RUBCN: variants seen among roughly 807,000 people sequenced by gnomAD.
The protein encoded by RUBCN is run domain Beclin-1-interacting and cysteine-rich domain-containing protein.
A neutral mutation model predicts 113.2 loss-of-function variants in RUBCN; 74 were observed. The observed-to-expected ratio is 0.65, with a 90% CI of 0.54 to 0.79. The LOEUF is 0.79. RUBCN is among the 30% of genes least tolerant of loss of function. RUBCN has a pLI of 0.00. For missense variants in RUBCN, 1,109 were observed against 1,251.7 expected (o/e 0.89, Z 1.72); for synonymous variants, 480 against 490.0 (o/e 0.98, Z 0.27).
chr3:197,677,673 C>T (rs1393503053), intron 16 of RUBCN, 132 bp from the exon 17 acceptor site: 8 of 755,490 alleles, frequency 1.1e-5, no homozygotes, highest in East Asian at 2.6e-5. Context: ...GACTGTCCTA[C>T]GCTCTGACAA....
At chr3:197,695,818 C>T in intron 9 of RUBCN, 48 bp downstream of exon 9, 1 of 1,539,932 alleles carries the variant, frequency 6.5e-7, no homozygotes, top group Non-Finnish European at 9.0e-7. Flanking sequence ...GACCTTCAGA[C>T]CCAATCTCCC....
intron 2 of RUBCN, among the ~76,000 whole-genome samples, chr3:197,716,629 C>T (rs939840525): frequency 2.6e-5 from 4 of 152,148 alleles, no homozygotes; most frequent in African/African-American, 4.8e-5. Context: ...CATTCTAATT[C>T]CTAGAACCTG....
chr3:197,701,821 T>C lies in RUBCN; in HGVS notation c.614A>G (p.Gln205Arg), dbSNP rs1169835652. 11 of 1,614,236 alleles carry C rather than the reference T, an allele frequency of 6.8e-6. No individual in the cohort carries two copies. The highest frequency in any genetic ancestry group is 9.3e-6 in the Non-Finnish European group (11 of 1,180,040). The change falls in exon 6 of 20, where the codon CAG becomes CGG. Residue 205 changes from glutamine (Q) to arginine (R), a missense_variant. This residue lies in a region of RUBCN where 736 missense variants were observed against 779.6 expected (regional missense o/e 0.94). Coordinates refer to ENST00000296343, the MANE Select transcript of RUBCN (RefSeq NM_014687.4). ...HESPLLVTKS[Q>R]SLTALPSSTY... ...GGAACTGGGCAGGGCTGTCAGGCTC[T>C]GGCTCTTTGTCACCAGGAGCGGGCT... is the stretch of plus-strand genomic sequence containing the variant.
At position 197,723,506 on chromosome 3, in the gene RUBCN, T is replaced by C. The variant is rs560598475; in HGVS notation, c.66-5376A>G. Among the ~76,000 whole-genome samples the C allele has an allele frequency of 3.5e-3, 528 of 152,300 alleles. 5 individuals carry two copies. The highest frequency in any genetic ancestry group is 7.2e-3 in the South Asian group (35 of 4,828). On this transcript the variant is annotated intron_variant, in intron 1 of 19. Transcript: ENST00000296343. ...AGGCCCATAAAAAGTTATTTTAAAC[T>C]GACAGTGACTTAAGTTTGATCATAA...
chr3:197,710,610 A>G (rs920086334), intron 2 of RUBCN, among the ~76,000 whole-genome samples: 17 of 152,084 alleles, frequency 1.1e-4, no homozygotes, highest in Non-Finnish European at 1.6e-4. Flanking sequence ...AAAAAAAAAA[A>G]AAAGAAAGAA....
rs1728200742 is a variant in RUBCN, at chr3:197,736,855, G to C, written c.-136C>G. On this transcript the variant is annotated 5_prime_UTR_variant, in exon 1 of 20. Transcript: ENST00000296343. Reference sequence around the variant, plus strand: ...CCGGGTGATGCGCTACACCCGGGCGGCGACAGCGGGAGGGACCGCCGCCTG... The same window carrying C: ...CCGGGTGATGCGCTACACCCGGGCGCCGACAGCGGGAGGGACCGCCGCCTG... The C allele has an allele frequency of 2.2e-6, 3 of 1,383,876 alleles. No individual in the cohort carries two copies. Among genetic ancestry groups the C allele is most frequent in the Admixed American group, 7.0e-5 (2 of 28,688 alleles). 85.7% of individuals were successfully genotyped at this position (1,383,876 alleles called of 1,614,324 possible).
Position 197,674,879 on chromosome 3 carries a change from GT to G in RUBCN, c.*138del, listed in dbSNP as rs1720158869. On this transcript the variant is annotated 3_prime_UTR_variant, in exon 20 of 20. Transcript: ENST00000296343. Reference sequence around the variant, plus strand: ...CTGCACACAGACGTCAGACAAGTCAGTAAAAAAAAAAAAAAAGATGATGATA... The same window carrying G: ...CTGCACACAGACGTCAGACAAGTCAGAAAAAAAAAAAAAAAGATGATGATA... 4 of 627,062 alleles carry G rather than the reference GT, an allele frequency of 6.4e-6. No individual in the cohort carries two copies. Among genetic ancestry groups the G allele is most frequent in the Admixed American group, 4.5e-5 (1 of 22,162 alleles). The allele number at this position is 627,062 out of a possible 1,614,324, so 38.8% of individuals were successfully genotyped here.
At chr3:197,746,775 G>C (rs6806236) in intron 1 of RUBCN, among the ~76,000 whole-genome samples, 5,549 of 152,234 alleles carry the variant, frequency 0.036, 314 homozygotes, top group African/African-American at 0.13. Context: ...TGGATCCCAT[G>C]TTTATTTTGA....
At chr3:197,685,499 A>G (rs958234429) in intron 11 of RUBCN, among the ~76,000 whole-genome samples, 19 of 152,196 alleles carry the variant, frequency 1.2e-4, no homozygotes, top group African/African-American at 4.1e-4. Flanking sequence ...CTAACAAGAA[A>G]TAAGATTGTG....
rs1347550820 is a variant in RUBCN, at chr3:197,669,542, A to C, written c.*5476T>G. 2.0e-5 allele frequency among the ~76,000 whole-genome samples: 3 copies of C among 152,226 alleles called. No individual in the cohort carries two copies. The highest frequency in any genetic ancestry group is 7.2e-5 in the African/African-American group (3 of 41,456). ...GAAGATGTACCCCTTTCATTGTATT[A>C]GTAGGTACATGACATCCAATGACAT... is the stretch of plus-strand genomic sequence containing the variant. On this transcript the variant is annotated 3_prime_UTR_variant, in exon 20 of 20. Transcript: ENST00000296343.
At chr3:197,727,846 G>C (rs1726930679) in intron 1 of RUBCN, among the ~76,000 whole-genome samples, 1 of 152,216 alleles carries the variant, frequency 6.6e-6, no homozygotes. Context: ...ATACTGTCTA[G>C]GTAGCAGAAT....
Position 197,695,802 on chromosome 3 carries a change from A to G in RUBCN, c.1473+64T>C, listed in dbSNP as rs1722934583. On this transcript the variant is annotated intron_variant, in intron 9 of 19. Transcript: ENST00000296343. ...CCAAAACCTCATCAGAACAAATGGC[A>G]CCACAGACCTTCAGACCCAATCTCC... 1.8e-5 allele frequency: 25 copies of G among 1,416,106 alleles called. No homozygotes were observed. The South Asian group carries it at 2.8e-4, about 16-fold the overall frequency. The allele number at this position is 1,416,106 out of a possible 1,614,324, so 87.7% of individuals were successfully genotyped here. A position where few individuals can be genotyped will look rare whatever the true frequency, so the allele number is the denominator to read the frequency against.
intron 1 of RUBCN, among the ~76,000 whole-genome samples, chr3:197,722,878 T>C (rs1726322516): frequency 6.6e-6 from 1 of 152,156 alleles, no homozygotes. Flanking sequence ...GGAAGCAGCA[T>C]ACGGTTGGGG....
In RUBCN at chr3:197,676,970, T is replaced by A; in HGVS notation, c.2561A>T (p.Asp854Val). 6.2e-7 allele frequency: 1 copy of A among 1,614,090 alleles called. No homozygotes were observed. The highest frequency in any genetic ancestry group is 8.5e-7 in the Non-Finnish European group (1 of 1,180,010). ...TEDLHLYSLN[D>V]LTATRKGELG... ...CTCCCCCTTCCTGGTCGCAGTCAGGTCATTCAGTGAGTACAGGTGGAGGTC... is the reference window on the plus strand; with the variant it reads ...CTCCCCCTTCCTGGTCGCAGTCAGGACATTCAGTGAGTACAGGTGGAGGTC... Residue 854 changes from aspartate to valine, a missense_variant, in exon 18 of 20, where the codon GAC becomes GTC. Asp to Val is a radical substitution (Grantham distance 152, BLOSUM62 -3). Transcript: ENST00000296343.
rs1191836433 is a variant in RUBCN, at chr3:197,670,255, T to A, written c.*4763A>T. Among the ~76,000 whole-genome samples, 1 of 152,238 alleles carries A rather than the reference T, an allele frequency of 6.6e-6. No homozygotes were observed. The highest frequency in any genetic ancestry group is 1.5e-5 in the Non-Finnish European group (1 of 68,038). The stretch of plus-strand genomic sequence containing the variant: ...ATTTTTTTATTTTCCATTAACTTTT[T>A]ACTTTCATAAATTATGCTGCAGTAA... On this transcript the variant is annotated 3_prime_UTR_variant, in exon 20 of 20. Coordinates refer to ENST00000296343, the MANE Select transcript of RUBCN (RefSeq NM_014687.4).
intron 1 of RUBCN, among the ~76,000 whole-genome samples, chr3:197,724,723 T>C (rs1226674975): frequency 1.3e-5 from 2 of 152,198 alleles, no homozygotes; most frequent in South Asian, 2.1e-4. Flanking sequence ...AAGCTAATTA[T>C]AGCATATTAA....
chr3:197,731,375 A>T, intron 1 of RUBCN, among the ~76,000 whole-genome samples: 1 of 152,160 alleles, frequency 6.6e-6, no homozygotes, highest in Non-Finnish European at 1.5e-5. Flanking sequence ...ACAAAATGAA[A>T]AGTCTCCCAT....
At chr3:197,745,723 C>A (rs1024568855) in intron 1 of RUBCN, among the ~76,000 whole-genome samples, 3 of 151,732 alleles carry the variant, frequency 2.0e-5, no homozygotes, top group African/African-American at 7.3e-5. Flanking sequence ...GAAAAAGGAG[C>A]CAGAAAGTGT....
rs373581692 is a variant in RUBCN at position 197,703,606 on chromosome 3, C to A, written c.512G>T (p.Cys171Phe). The A allele has an allele frequency of 4.2e-5, 68 of 1,613,724 alleles. No individual in the cohort carries two copies. Among genetic ancestry groups the A allele is most frequent in the Admixed American group, 8.3e-5 (5 of 59,946 alleles). ...SDAHVTAMLQCLEAVEQNNPR... is the reference protein window; with the variant it reads ...SDAHVTAMLQFLEAVEQNNPR... ...GTTGTTCTGTTCCACTGCTTCCAGG[C>A]ACTGCAGCATGGCCGTGACATGAGC... Residue 171 changes from cysteine (C) to phenylalanine (F), a missense_variant, in exon 5 of 20, where the codon TGC (cysteine) becomes TTC (phenylalanine). This residue lies in a region of RUBCN where 736 missense variants were observed against 779.6 expected (regional missense o/e 0.94). Coordinates refer to ENST00000296343, the MANE Select transcript of RUBCN (RefSeq NM_014687.4).
Sources: gnomAD v4.1 joint callset for allele counts (sites outside exome capture counted in the v4.1 genomes callset) on GRCh38, gnomAD v4.1.1 for gene constraint, gnomAD v4.1.1 regional missense constraint, MANE v1.5 for transcripts, NCBI Gene and HGNC (gene_info 2026-07-23, HGNC 2026-07-21) for gene names.